Variants in ANK2 observed in about 807,000 individuals in gnomAD.
ANK2 encodes ankyrin-2.
A neutral mutation model predicts 360.5 loss-of-function variants in ANK2; 83 were observed. That is an observed-to-expected ratio of 0.23 (90% CI 0.19 to 0.28). The LOEUF is 0.28. Among genes scored for constraint, ANK2 ranks in the 10% least tolerant of loss-of-function variants. The pLI, the probability that ANK2 is intolerant of heterozygous loss-of-function variation, is 1.00. For synonymous variants in ANK2, 1,740 were observed against 1,759.5 expected, an observed-to-expected ratio of 0.99 and a Z score of 0.28; for missense variants, 4,201 against 4,795.7, an observed-to-expected ratio of 0.88 and a Z score of 3.66.
chr4:113,145,900 A>T (rs941621386), intron 1 of ANK2: 2 of 1,289,698 alleles, frequency 1.6e-6, no homozygotes, highest in African/African-American at 1.5e-5. Context: ...TCTTCTTGCC[A>T]TGCGGATAAG....
intron 1 of ANK2, among the ~76,000 whole-genome samples, chr4:113,118,109 A>T (rs2095012117): frequency 1.3e-5 from 2 of 152,230 alleles, no homozygotes; most frequent in African/African-American, 4.8e-5. Context: ...TTTACATTGA[A>T]CTATTGTTTC....
chr4:112,791,681 C>G, the ANK2 span, among the ~76,000 whole-genome samples: 1 of 151,550 alleles, frequency 6.6e-6, no homozygotes, highest in Non-Finnish European at 1.5e-5. Context: ...TTAGTAGAGA[C>G]GGGGTTTCAC....
At chr4:113,134,078 A>C (rs2096243575) in intron 1 of ANK2, among the ~76,000 whole-genome samples, 2 of 152,108 alleles carry the variant, frequency 1.3e-5, no homozygotes, top group Non-Finnish European at 2.9e-5. Context: ...CAAGTGCTGA[A>C]ACCATCTATA....
chr4:112,739,201 C>T, the ANK2 span: 2 of 299,626 alleles, frequency 6.7e-6, no homozygotes, highest in Non-Finnish European at 1.3e-5. Context: ...TAGAAGAGTC[C>T]ATTGTAAGGA....
intron 1 of ANK2, among the ~76,000 whole-genome samples, chr4:112,894,973 C>A (rs1211884317): frequency 6.6e-6 from 1 of 152,080 alleles, no homozygotes; most frequent in Non-Finnish European, 1.5e-5. Flanking sequence ...TTGCCAAATG[C>A]CTGACAGGGT....
chr4:113,339,160 G>T (rs2093956407), intron 31 of ANK2, 66 bp from the exon 32 acceptor site: 2 of 1,367,270 alleles, frequency 1.5e-6, no homozygotes, highest in Admixed American at 1.7e-5. Context: ...GAACCACAAA[G>T]ACTTTATTTT....
intron 1 of ANK2, among the ~76,000 whole-genome samples, chr4:113,052,618 T>C (rs1306937617): frequency 6.6e-6 from 1 of 152,200 alleles, no homozygotes; most frequent in East Asian, 1.9e-4. Context: ...GTGTTGAGAA[T>C]AGAAATTCTT....
chr4:113,209,256 G>C (rs140979135), intron 4 of ANK2, among the ~76,000 whole-genome samples: 1 of 151,966 alleles, frequency 6.6e-6, no homozygotes, highest in South Asian at 2.1e-4. Context: ...CTCACCAGTA[G>C]TAGTAGCCCT....
chr4:112,750,327 C>T, the ANK2 span, among the ~76,000 whole-genome samples: 1 of 152,008 alleles, frequency 6.6e-6, no homozygotes, highest in Non-Finnish European at 1.5e-5. Context: ...CCCCGCTGCA[C>T]TCCAGCCTGG....
intron 1 of ANK2, among the ~76,000 whole-genome samples, chr4:112,864,626 G>A (rs2050678515): frequency 6.6e-6 from 1 of 151,792 alleles, no homozygotes; most frequent in Non-Finnish European, 1.5e-5. Flanking sequence ...GATTTTTAAA[G>A]TATTTTAAAA....
chr4:112,902,735 T>C (rs920330122), intron 1 of ANK2, among the ~76,000 whole-genome samples: 2 of 152,200 alleles, frequency 1.3e-5, no homozygotes, highest in African/African-American at 2.4e-5. Flanking sequence ...CATACACAGT[T>C]CCAAGGGAAT....
At chr4:113,200,066 G>A (rs1186753777) in intron 4 of ANK2, among the ~76,000 whole-genome samples, 1 of 152,132 alleles carries the variant, frequency 6.6e-6, no homozygotes, top group Non-Finnish European at 1.5e-5. Context: ...AAAATCTGTT[G>A]AAATTATGAT....
chr4:112,872,567 C>A (rs148518835), intron 1 of ANK2, among the ~76,000 whole-genome samples: 3 of 152,164 alleles, frequency 2.0e-5, no homozygotes, highest in African/African-American at 7.2e-5. Context: ...GAACCCCCAA[C>A]CTCAGGTGAT....
intron 1 of ANK2, among the ~76,000 whole-genome samples, chr4:112,832,469 T>C (rs564526892): frequency 6.6e-6 from 1 of 152,374 alleles, no homozygotes; most frequent in African/African-American, 2.4e-5. Context: ...TTATTTTATT[T>C]TGCCCAGGAA....
chr4:113,268,706 T>G (rs888163500), intron 14 of ANK2, among the ~76,000 whole-genome samples: 4 of 152,118 alleles, frequency 2.6e-5, no homozygotes, highest in African/African-American at 9.7e-5. Flanking sequence ...GTCCTGAAAT[T>G]TTCTTTTTTT....
At chr4:112,738,456 G>A in the ANK2 span, among the ~76,000 whole-genome samples, 1 of 151,842 alleles carries the variant, frequency 6.6e-6, no homozygotes, top group South Asian at 2.1e-4. Flanking sequence ...CCTTGCCCAG[G>A]TGGAGTATAC....
chr4:112,776,052 G>A, the ANK2 span, among the ~76,000 whole-genome samples: 3 of 152,272 alleles, frequency 2.0e-5, no homozygotes, highest in Admixed American at 6.5e-5. Context: ...GCCAGCCTAG[G>A]GAACGTGTAG....
chr4:113,253,426 C>T lies in ANK2; in HGVS notation c.991-2309C>T, dbSNP rs79243690. ...CCACGAGTGTACATCTCCAGAATTCCGTATGTAGATGTCAGCTCCCCATTG... is the reference window on the plus strand; with the variant it reads ...CCACGAGTGTACATCTCCAGAATTCTGTATGTAGATGTCAGCTCCCCATTG... On this transcript the variant is annotated intron_variant, in intron 10 of 45. Transcript: ENST00000357077. Among the ~76,000 whole-genome samples the T allele has an allele frequency of 7.0e-3, 1,064 of 152,184 alleles. 7 individuals are homozygous for T. Among genetic ancestry groups the T allele is most frequent in the African/African-American group, 0.01 (426 of 41,534 alleles).
At chr4:113,146,845 T>C (rs1015986135) in intron 1 of ANK2, among the ~76,000 whole-genome samples, 1 of 152,206 alleles carries the variant, frequency 6.6e-6, no homozygotes, top group Non-Finnish European at 1.5e-5. Context: ...ACTATGAAAC[T>C]AAGATATGTA....
Sources: gnomAD v4.1 joint callset for allele counts (sites outside exome capture counted in the v4.1 genomes callset) on GRCh38, gnomAD v4.1.1 for gene constraint, MANE v1.5 for transcripts, NCBI Gene and HGNC (gene_info 2026-07-23, HGNC 2026-07-21) for gene names.